PDE7B: variants seen among roughly 807,000 people sequenced by gnomAD.
PDE7B encodes the protein 3',5'-cyclic-AMP phosphodiesterase 7B.
PDE7B carries 29 observed loss-of-function variants against 56.2 expected under a neutral mutation model. The ratio of observed to expected loss-of-function variants is 0.52; its 90% confidence interval spans 0.38 to 0.70. The LOEUF is 0.70. PDE7B is among the 30% of genes least tolerant of loss of function. PDE7B has a pLI of 0.00. For missense variants in PDE7B, 490 were observed against 565.0 expected (o/e 0.87, Z 1.35); for synonymous variants, 197 against 196.9 (o/e 1.00, Z 0.00).
intron 2 of PDE7B, among the ~76,000 whole-genome samples, chr6:135,985,714 G>A (rs951733203): frequency 4.6e-5 from 7 of 152,190 alleles, no homozygotes; most frequent in Admixed American, 1.3e-4. Flanking sequence ...AACAGAGCAA[G>A]TTACTGTTCA....
intron 8 of PDE7B, among the ~76,000 whole-genome samples, chr6:136,170,875 C>A (rs1219758114): frequency 6.6e-6 from 1 of 152,142 alleles, no homozygotes; most frequent in Non-Finnish European, 1.5e-5. Context: ...TAATAGATTA[C>A]TCCACAATCC....
At chr6:136,190,453 G>T (rs1344390187) in intron 12 of PDE7B, among the ~76,000 whole-genome samples, 1 of 152,154 alleles carries the variant, frequency 6.6e-6, no homozygotes, top group African/African-American at 2.4e-5. Flanking sequence ...CCAACAGAAA[G>T]ATAATCAAAC....
intron 1 of PDE7B, among the ~76,000 whole-genome samples, chr6:135,885,583 A>G (rs1049758390): frequency 5.3e-5 from 8 of 152,220 alleles, no homozygotes; most frequent in African/African-American, 1.9e-4. Context: ...TTGCAAATGA[A>G]AAATACACAC....
At chr6:136,099,003 G>C (rs1482350075) in intron 2 of PDE7B, among the ~76,000 whole-genome samples, 4 of 133,210 alleles carry the variant, frequency 3.0e-5, no homozygotes, top group Admixed American at 2.8e-4. Context: ...TTAACTCCCA[G>C]TTATGAGTGA....
At chr6:135,970,205 TA>T (rs1244164087) in intron 2 of PDE7B, among the ~76,000 whole-genome samples, 1 of 152,086 alleles carries the variant, frequency 6.6e-6, no homozygotes, top group African/African-American at 2.4e-5. Context: ...AACACATACT[TA>T]AATCATTTCA....
chr6:136,068,493 C>T (rs961849164), intron 2 of PDE7B, among the ~76,000 whole-genome samples: 5 of 140,324 alleles, frequency 3.6e-5, no homozygotes, highest in East Asian at 2.1e-4. Context: ...TGCAGTGGCG[C>T]GATCTCGGCT....
chr6:136,026,116 CA>C (rs1002684039), intron 2 of PDE7B, among the ~76,000 whole-genome samples: 2 of 152,182 alleles, frequency 1.3e-5, no homozygotes, highest in Non-Finnish European at 2.9e-5. Context: ...GTTTACATAA[CA>C]AGGTAAAGAC....
chr6:135,871,167 T>C (rs1320328448), intron 1 of PDE7B, among the ~76,000 whole-genome samples: 1 of 152,228 alleles, frequency 6.6e-6, no homozygotes, highest in Non-Finnish European at 1.5e-5. Flanking sequence ...ATCACAGTTA[T>C]ATGTGGCCCC....
intron 2 of PDE7B, among the ~76,000 whole-genome samples, chr6:136,095,225 C>A (rs533239637): frequency 6.6e-6 from 1 of 152,090 alleles, no homozygotes; most frequent in Non-Finnish European, 1.5e-5. Flanking sequence ...AAATAATGTT[C>A]TTCCCTTTAA....
intron 8 of PDE7B, among the ~76,000 whole-genome samples, chr6:136,170,413 T>G (rs1236191253): frequency 6.6e-6 from 1 of 152,146 alleles, no homozygotes. Flanking sequence ...TCTTTTCATC[T>G]TGTAAAACTA....
intron 2 of PDE7B, among the ~76,000 whole-genome samples, chr6:136,086,434 CAGAG>C (rs1777293496): frequency 6.6e-6 from 1 of 151,914 alleles, no homozygotes; most frequent in South Asian, 2.1e-4. Context: ...TGTACAGAGA[CAGAG>C]GGAGGGGGGC....
chr6:135,896,972 C>T (rs9402774), intron 1 of PDE7B, among the ~76,000 whole-genome samples: 62,221 of 151,902 alleles, frequency 0.41, 13,000 homozygotes, highest in East Asian at 0.59. Flanking sequence ...AAGCTTAGCA[C>T]CTCCTCCTCT....
intron 1 of PDE7B, among the ~76,000 whole-genome samples, chr6:135,878,036 C>G (rs549396881): frequency 6.6e-6 from 1 of 152,194 alleles, no homozygotes; most frequent in African/African-American, 2.4e-5. Context: ...GGAAAGGAAG[C>G]CCTAATTTAT....
chr6:135,885,426 C>A (rs1775689646), intron 1 of PDE7B, among the ~76,000 whole-genome samples: 1 of 151,918 alleles, frequency 6.6e-6, no homozygotes, highest in Non-Finnish European at 1.5e-5. Flanking sequence ...CATCATCAGT[C>A]CATTCTACAC....
intron 2 of PDE7B, among the ~76,000 whole-genome samples, chr6:135,980,772 AG>A (rs1356914969): frequency 6.3e-5 from 9 of 141,934 alleles, no homozygotes; most frequent in African/African-American, 2.1e-4. Flanking sequence ...ATCATTAAAA[AG>A]TCAGGAAACA....
intron 2 of PDE7B, among the ~76,000 whole-genome samples, chr6:136,081,133 C>T (rs948098369): frequency 6.6e-6 from 1 of 152,050 alleles, no homozygotes; most frequent in Non-Finnish European, 1.5e-5. Flanking sequence ...GAAGGTGATA[C>T]AGTCATAGAA....
At chr6:136,002,056 A>T (rs571483436) in intron 2 of PDE7B, among the ~76,000 whole-genome samples, 7 of 152,342 alleles carry the variant, frequency 4.6e-5, no homozygotes, top group Non-Finnish European at 1.0e-4. Context: ...CGATATTCTT[A>T]AAGAAAAGAA....
intron 2 of PDE7B, among the ~76,000 whole-genome samples, chr6:135,959,387 A>C (rs919357182): frequency 6.6e-6 from 1 of 152,188 alleles, no homozygotes; most frequent in Admixed American, 6.5e-5. Flanking sequence ...ATTTCAGAAA[A>C]AGGCATTTTA....
chr6:136,104,567 A>G (rs555974987), intron 2 of PDE7B, among the ~76,000 whole-genome samples: 9 of 152,340 alleles, frequency 5.9e-5, no homozygotes, highest in East Asian at 5.8e-4. Context: ...TTAATATCAG[A>G]ACAGGCTCCT....
Sources: allele counts gnomAD v4.1 joint callset (sites outside exome capture counted in the v4.1 genomes callset), GRCh38; gene constraint gnomAD v4.1.1; transcripts MANE v1.5; gene names NCBI Gene and HGNC (gene_info 2026-07-23, HGNC 2026-07-21).